The following GCNT1 variants were observed in gnomAD, a reference collection of about 807,000 sequenced individuals.
GCNT1 encodes the protein glucosaminyl (N-acetyl) transferase 1.
GCNT1 carries 16 observed loss-of-function variants against 26.2 expected under a neutral mutation model. The observed-to-expected ratio is 0.61, with a 90% CI of 0.41 to 0.93. The LOEUF is 0.93. GCNT1 is among the 40% of genes least tolerant of loss of function. The pLI is 0.00. For synonymous variants in GCNT1, 183 were observed against 190.8 expected (o/e 0.96, Z 0.34); for missense variants, 477 against 526.7 (o/e 0.91, Z 0.92).
At chr9:76,470,256 G>C (rs766328111) in intron 2 of GCNT1, among the ~76,000 whole-genome samples, 1 of 152,014 alleles carries the variant, frequency 6.6e-6, no homozygotes, top group African/African-American at 2.4e-5. Flanking sequence ...CCTCTTTCTC[G>C]TGATATACCC....
intron 1 of GCNT1, chr9:76,420,072 C>T (rs1823169192): frequency 6.6e-6 from 1 of 152,244 alleles, no homozygotes; most frequent in African/African-American, 2.4e-5. Context: ...CACCAAATTT[C>T]TGATTTGCAA....
At position 76,506,127 on chromosome 9, in the gene GCNT1, G is replaced by A. The variant is rs896455817; in HGVS notation, c.*2459G>A. 2.5e-4 allele frequency: 41 copies of A among 167,128 alleles called. No homozygotes were observed. Among genetic ancestry groups the A allele is most frequent in the African/African-American group, 9.6e-4 (40 of 41,542 alleles). 10.4% of individuals were successfully genotyped at this position (167,128 alleles called of 1,614,324 possible). A position where few individuals can be genotyped will look rare whatever the true frequency, so the allele number is the denominator to read the frequency against. On this transcript the variant is annotated 3_prime_UTR_variant, in exon 4 of 4. Transcript: ENST00000376730. ...AGAATCAAAACGATGGTTTGAAAAG[G>A]AAACCTATGATACATGCAGGAGAAG...
chr9:76,416,162 A>G (rs1334199792), upstream of GCNT1, among the ~76,000 whole-genome samples: 2 of 152,054 alleles, frequency 1.3e-5, no homozygotes, highest in African/African-American at 2.4e-5. Context: ...CTTACAGACA[A>G]GCAGAGTGTC....
In GCNT1 at chr9:76,503,616, A is replaced by G. The variant is rs1202453540; in HGVS notation, c.1235A>G (p.Gln412Arg). The change falls in exon 4 of 4, where the codon CAG becomes CGG. Residue 412 changes from glutamine to arginine, a missense_variant. By Grantham distance (43) the Gln-to-Arg change is conservative. Transcript: ENST00000376730. ...FDVDVDLFAI[Q>R]CLDEHLRHKA... ...GTGGATGTTGACCTCTTTGCCATCCAGTGTTTGGATGAGCATTTGAGACAC... is the reference window on the plus strand; with the variant it reads ...GTGGATGTTGACCTCTTTGCCATCCGGTGTTTGGATGAGCATTTGAGACAC... 6 of 1,614,154 alleles carry G rather than the reference A, an allele frequency of 3.7e-6. No individual in the cohort carries two copies. Among genetic ancestry groups the G allele is most frequent in the Non-Finnish European group, 5.1e-6 (6 of 1,180,026 alleles).
upstream of GCNT1, among the ~76,000 whole-genome samples, chr9:76,454,386 G>GAAA (rs71372084): frequency 6.1e-4 from 24 of 39,620 alleles, 1 homozygote; most frequent in East Asian, 1.8e-3. Context: ...TCTCAGAAAA[G>GAAA]AAAAAAAAAA....
intron 1 of GCNT1, among the ~76,000 whole-genome samples, chr9:76,425,137 T>TAAAAA (rs1194003045): frequency 1.4e-5 from 1 of 73,034 alleles, no homozygotes; most frequent in Non-Finnish European, 2.5e-5. Flanking sequence ...AAACTCCGTC[T>TAAAAA]AAAAAAAAAA....
rs1303348352 is a variant in GCNT1 at position 76,504,179 on chromosome 9, A to G, written c.*511A>G. On this transcript the variant is annotated 3_prime_UTR_variant, in exon 4 of 4. Coordinates refer to ENST00000376730, the MANE Select transcript of GCNT1 (RefSeq NM_001490.5). ...TATAAATGATTTTTGTAAATAATTTATATTCTGCTCTAATACTGTACTGTG... is the reference window on the plus strand; with the variant it reads ...TATAAATGATTTTTGTAAATAATTTGTATTCTGCTCTAATACTGTACTGTG... 5.1e-6 allele frequency: 1 copy of G among 195,164 alleles called. No homozygotes were observed. Among genetic ancestry groups the G allele is most frequent in the South Asian group, 1.2e-4 (1 of 8,250 alleles). 12.1% of individuals were successfully genotyped at this position (195,164 alleles called of 1,614,324 possible).
intron 2 of GCNT1, among the ~76,000 whole-genome samples, chr9:76,494,619 A>G (rs1194415052): frequency 1.3e-5 from 2 of 152,186 alleles, no homozygotes; most frequent in South Asian, 2.1e-4. Flanking sequence ...AAGGGAACAG[A>G]GTCCTGAAGT....
At chr9:76,397,892 A>G in the GCNT1 span, among the ~76,000 whole-genome samples, 1 of 152,208 alleles carries the variant, frequency 6.6e-6, no homozygotes, top group African/African-American at 2.4e-5. Flanking sequence ...AAATAATTCA[A>G]TAATTATTCT....
intron 1 of GCNT1, among the ~76,000 whole-genome samples, chr9:76,428,176 G>A (rs1823281096): frequency 6.7e-6 from 1 of 148,180 alleles, no homozygotes; most frequent in Non-Finnish European, 1.5e-5. Context: ...TGAGGCAGGA[G>A]AATGGCGTGA....
At chr9:76,491,447 A>G (rs1423272780) in intron 2 of GCNT1, among the ~76,000 whole-genome samples, 1 of 152,146 alleles carries the variant, frequency 6.6e-6, no homozygotes, top group Non-Finnish European at 1.5e-5. Flanking sequence ...CTTTCTTTCC[A>G]TATTGCAGCA....
intron 1 of GCNT1, among the ~76,000 whole-genome samples, chr9:76,434,254 C>T (rs1214311388): frequency 1.3e-5 from 2 of 152,158 alleles, no homozygotes; most frequent in African/African-American, 2.4e-5. Context: ...GTATGATTAT[C>T]ATCATCAACA....
chr9:76,498,150 C>A (rs911957505), intron 2 of GCNT1, among the ~76,000 whole-genome samples: 1 of 152,092 alleles, frequency 6.6e-6, no homozygotes, highest in Non-Finnish European at 1.5e-5. Flanking sequence ...TTGTGTGAGA[C>A]CTTCATATCT....
chr9:76,498,447 G>T (rs777508092), intron 2 of GCNT1, among the ~76,000 whole-genome samples: 1 of 152,084 alleles, frequency 6.6e-6, no homozygotes, highest in African/African-American at 2.4e-5. Context: ...AGCAATTTAT[G>T]ATGGTTCCAA....
the GCNT1 span, among the ~76,000 whole-genome samples, chr9:76,412,983 C>G: frequency 6.6e-6 from 1 of 152,296 alleles, no homozygotes; most frequent in Admixed American, 6.5e-5. Context: ...AAGTCTTCAG[C>G]CCATGGGTTC....
At chr9:76,457,990 C>T (rs981786127), upstream of GCNT1, among the ~76,000 whole-genome samples, 6 of 152,028 alleles carry the variant, frequency 3.9e-5, no homozygotes, top group Admixed American at 3.9e-4. Context: ...ACCCCCTACA[C>T]GAAATCTGTG....
At chr9:76,417,639 G>T (rs943262818), upstream of GCNT1, among the ~76,000 whole-genome samples, 6 of 152,312 alleles carry the variant, frequency 3.9e-5, no homozygotes, top group African/African-American at 1.4e-4. Flanking sequence ...AAACTCCTTT[G>T]GTGGGTGGGG....
chr9:76,462,369 C>G (rs1217153067), intron 2 of GCNT1, among the ~76,000 whole-genome samples: 1 of 152,196 alleles, frequency 6.6e-6, no homozygotes, highest in African/African-American at 2.4e-5. Flanking sequence ...GTCACGTTTC[C>G]TATCTGAGGC....
intron 1 of GCNT1, among the ~76,000 whole-genome samples, chr9:76,421,898 TGTTA>T (rs377619460): frequency 6.6e-6 from 1 of 152,022 alleles, no homozygotes; most frequent in African/African-American, 2.4e-5. Flanking sequence ...TTTACCGTTA[TGTTA>T]GTTCATTCTT....
Sources: allele counts gnomAD v4.1 joint callset (sites outside exome capture counted in the v4.1 genomes callset), GRCh38; gene constraint gnomAD v4.1.1; transcripts MANE v1.5; gene names NCBI Gene and HGNC (gene_info 2026-07-23, HGNC 2026-07-21).